OTOGL: variants seen among roughly 807,000 people sequenced by gnomAD.
OTOGL encodes the protein otogelin like.
In OTOGL, 285 loss-of-function variants were observed where a neutral mutation model predicts 318.5. The ratio of observed to expected loss-of-function variants is 0.89; its 90% CI spans 0.81 to 0.99. The LOEUF (loss-of-function observed/expected upper bound fraction) is 0.99. Ranked by LOEUF, OTOGL falls within the 50% of genes least tolerant of loss-of-function variation. OTOGL has a pLI of 0.00. For synonymous variants in OTOGL, 987 were observed against 936.5 expected (o/e 1.05, Z -0.99); for missense variants, 2,899 against 2,845.6 (o/e 1.02, Z -0.43).
intron 1 of OTOGL, among the ~76,000 whole-genome samples, chr12:80,192,322 G>C (rs542544111): frequency 6.6e-6 from 1 of 152,166 alleles, no homozygotes; most frequent in Admixed American, 6.5e-5. Flanking sequence ...CTGCTGGTCC[G>C]GTCATGGTCA....
chr12:80,221,391 G>T (rs1039316242), intron 6 of OTOGL, among the ~76,000 whole-genome samples: 4 of 151,360 alleles, frequency 2.6e-5, no homozygotes, highest in Non-Finnish European at 4.4e-5. Flanking sequence ...CAGCCTCCTG[G>T]GTAGCTGGGA....
intron 32 of OTOGL, among the ~76,000 whole-genome samples, chr12:80,315,868 A>G (rs953970889): frequency 3.3e-5 from 5 of 152,182 alleles, no homozygotes; most frequent in Non-Finnish European, 7.4e-5. Context: ...AGAGACTGCC[A>G]CACACGTGCA....
intron 13 of OTOGL, among the ~76,000 whole-genome samples, 164 bp downstream of exon 13, chr12:80,252,365 C>G (rs570707648): frequency 6.6e-6 from 1 of 152,176 alleles, no homozygotes; most frequent in Admixed American, 6.5e-5. Flanking sequence ...GGAATGGCTA[C>G]TTTTCATTGA....
chr12:80,308,794 G>C (rs1367661920), intron 29 of OTOGL, among the ~76,000 whole-genome samples: 1 of 152,154 alleles, frequency 6.6e-6, no homozygotes, highest in African/African-American at 2.4e-5. Context: ...GCGAATCCCC[G>C]TCTCCACCAA....
chr12:80,112,735 G>C (rs924657148), intron 1 of OTOGL, among the ~76,000 whole-genome samples: 4 of 134,902 alleles, frequency 3.0e-5, no homozygotes, highest in African/African-American at 8.4e-5. Flanking sequence ...TTGTGTCTCT[G>C]CCAGGCTTTG....
chr12:80,230,505 A>T (rs1282525474), intron 8 of OTOGL, among the ~76,000 whole-genome samples: 1 of 152,190 alleles, frequency 6.6e-6, no homozygotes. Context: ...CATTTAAAAA[A>T]TTATCATGTT....
At chr12:80,158,263 C>A (rs1177963151) in intron 1 of OTOGL, among the ~76,000 whole-genome samples, 2 of 152,072 alleles carry the variant, frequency 1.3e-5, no homozygotes, top group African/African-American at 4.8e-5. Flanking sequence ...TTCTGTGTGA[C>A]TTTATTTATA....
At chr12:80,170,209 GTGTGTATGTA>G (rs1224017379) in intron 1 of OTOGL, among the ~76,000 whole-genome samples, 246 of 111,226 alleles carry the variant, frequency 2.2e-3, no homozygotes, top group African/African-American at 0.012. Context: ...GTGTGTGTGT[GTGTGTATGTA>G]TGTGTGTGTG....
intron 30 of OTOGL, among the ~76,000 whole-genome samples, chr12:80,311,953 C>T (rs1453411688): frequency 2.6e-5 from 4 of 151,862 alleles, no homozygotes; most frequent in African/African-American, 2.4e-5. Flanking sequence ...AAGATCTGCA[C>T]GGGTCCATAA....
chr12:80,254,645 T>A (rs887704804), intron 15 of OTOGL, 75 bp downstream of exon 15: 44 of 1,197,322 alleles, frequency 3.7e-5, no homozygotes, highest in Non-Finnish European at 5.2e-5. Context: ...CACTGATCTT[T>A]ATGAAGACAT....
chr12:80,128,838 C>T (rs1871044295), intron 1 of OTOGL, among the ~76,000 whole-genome samples: 1 of 152,210 alleles, frequency 6.6e-6, no homozygotes, highest in African/African-American at 2.4e-5. Flanking sequence ...ACCCTCTGAG[C>T]CAGGTGCGGG....
intron 1 of OTOGL, among the ~76,000 whole-genome samples, chr12:80,150,904 A>T (rs1157802776): frequency 6.6e-6 from 1 of 152,220 alleles, no homozygotes; most frequent in African/African-American, 2.4e-5. Context: ...GCTAGTATTT[A>T]TAGTTTAAAT....
intron 44 of OTOGL, among the ~76,000 whole-genome samples, chr12:80,344,743 C>G (rs981938292): frequency 2.6e-5 from 4 of 151,718 alleles, no homozygotes; most frequent in Non-Finnish European, 4.4e-5. Context: ...GAGGTTTCTT[C>G]AGAACTAGTT....
At position 80,320,469 on chromosome 12, in the gene OTOGL, C is replaced by T; in HGVS notation, c.3850C>T (p.Leu1284Phe). ...ATCTGCTGAAAGGCCAAACTACTTTCTCTATGTCCATGACAATGATACTCT... is the reference window on the plus strand; with the variant it reads ...ATCTGCTGAAAGGCCAAACTACTTTTTCTATGTCCATGACAATGATACTCT... ...LESAERPNYFLYVHDNDTLSL... is the reference protein window; with the variant it reads ...LESAERPNYFFYVHDNDTLSL... The change falls in exon 34 of 59, where the codon CTC (leucine) becomes TTC (phenylalanine). Residue 1284 changes from leucine to phenylalanine, a missense_variant. Physicochemically the swap from Leu to Phe is conservative, Grantham distance 22. This residue lies in a region of OTOGL where 2,607 missense variants were observed against 2,524.9 expected (regional missense o/e 1.03). Coordinates refer to ENST00000547103, the MANE Select transcript of OTOGL (RefSeq NM_001378609.3). 1 of 1,613,502 alleles carries T rather than the reference C, an allele frequency of 6.2e-7. No individual in the cohort carries two copies. Among genetic ancestry groups the T allele is most frequent in the African/African-American group, 1.3e-5 (1 of 75,020 alleles).
chr12:80,344,234 A>G (rs980746), intron 44 of OTOGL, among the ~76,000 whole-genome samples: 19,507 of 152,228 alleles, frequency 0.13, 2,859 homozygotes, highest in African/African-American at 0.36. Context: ...TTAAAGCATC[A>G]TGATTTTTTA....
chr12:80,108,548 T>C (rs538672151), intron 1 of OTOGL, among the ~76,000 whole-genome samples: 1 of 151,654 alleles, frequency 6.6e-6, no homozygotes, highest in African/African-American at 2.4e-5. Context: ...TGGCAATCTA[T>C]GTGGGAGATA....
chr12:80,200,044 G>A (rs557479332), intron 1 of OTOGL, among the ~76,000 whole-genome samples: 1 of 152,036 alleles, frequency 6.6e-6, no homozygotes, highest in Non-Finnish European at 1.5e-5. Flanking sequence ...ATGACCATTG[G>A]CATCATCATT....
chr12:80,135,247 C>T (rs887215767), intron 1 of OTOGL, among the ~76,000 whole-genome samples: 5 of 67,510 alleles, frequency 7.4e-5, no homozygotes, highest in Non-Finnish European at 1.8e-4. Context: ...ATTTCTTGAG[C>T]CCCTCCCCTC....
chr12:80,201,452 A>G (rs1876449790), intron 1 of OTOGL, among the ~76,000 whole-genome samples: 2 of 152,130 alleles, frequency 1.3e-5, no homozygotes, highest in Admixed American at 6.5e-5. Flanking sequence ...TTTAGCAACC[A>G]GATCTCATGG....
Sources: allele counts gnomAD v4.1 joint callset (sites outside exome capture counted in the v4.1 genomes callset), GRCh38; gene constraint gnomAD v4.1.1; regional missense constraint gnomAD v4.1.1; transcripts MANE v1.5; gene names NCBI Gene and HGNC (gene_info 2026-07-23, HGNC 2026-07-21).